Variants in PHACTR4 observed in about 807,000 individuals in gnomAD.
PHACTR4 encodes the protein phosphatase and actin regulator 4, also known as protein phosphatase 1, regulatory subunit 124.
PHACTR4 carries 51 observed loss-of-function variants against 72.7 expected under a neutral mutation model. The ratio of observed to expected loss-of-function variants is 0.70; its 90% CI spans 0.56 to 0.89. The LOEUF (loss-of-function observed/expected upper bound fraction) is 0.89, where lower values mean the gene tolerates loss of function less well. PHACTR4 is among the 40% of genes least tolerant of loss of function. The pLI is 0.00. For synonymous variants in PHACTR4, 255 were observed against 302.5 expected (o/e 0.84, Z 1.63); for missense variants, 731 against 861.8 (o/e 0.85, Z 1.90).
chr1:28,430,235 AG>A (rs1324996259), intron 2 of PHACTR4, among the ~76,000 whole-genome samples: 5 of 152,130 alleles, frequency 3.3e-5, no homozygotes, highest in African/African-American at 4.8e-5. Flanking sequence ...CATGTTAGCC[AG>A]GATGGTCTTG....
chr1:28,408,656 G>C (rs960278125), intron 2 of PHACTR4, among the ~76,000 whole-genome samples: 7 of 149,734 alleles, frequency 4.7e-5, no homozygotes, highest in African/African-American at 1.7e-4. Flanking sequence ...GTGTGTGTGT[G>C]TATATATATA....
intron 6 of PHACTR4, among the ~76,000 whole-genome samples, chr1:28,472,906 C>T (rs926598137): frequency 7.3e-5 from 11 of 150,798 alleles, no homozygotes; most frequent in Non-Finnish European, 1.5e-4. Context: ...TGTGAGCCAC[C>T]GTGCCAGCCA....
At chr1:28,477,162 T>G (rs1386197378) in intron 8 of PHACTR4, among the ~76,000 whole-genome samples, 1 of 150,454 alleles carries the variant, frequency 6.6e-6, no homozygotes, top group Admixed American at 6.7e-5. Flanking sequence ...CTCAACTCAC[T>G]GCAACCTCCA....
chr1:28,415,032 G>C (rs1655019477), intron 2 of PHACTR4, among the ~76,000 whole-genome samples: 1 of 152,052 alleles, frequency 6.6e-6, no homozygotes, highest in Non-Finnish European at 1.5e-5. Flanking sequence ...AGGCCGAGGT[G>C]GACGGTTTGC....
chr1:28,488,261 G>A (rs1660826321), intron 9 of PHACTR4, among the ~76,000 whole-genome samples: 1 of 151,968 alleles, frequency 6.6e-6, no homozygotes, highest in South Asian at 2.1e-4. Context: ...ACTTTGGGAG[G>A]CCGAGGCAGG....
intron 1 of PHACTR4, among the ~76,000 whole-genome samples, chr1:28,387,723 C>CA (rs1652671115): frequency 7.1e-6 from 1 of 140,698 alleles, no homozygotes; most frequent in African/African-American, 2.9e-5. Context: ...ACTGTCTCTA[C>CA]AAAAAACAAT....
chr1:28,489,491 T>C lies in PHACTR4; in HGVS notation c.1816+266T>C, dbSNP rs145925392. Among the ~76,000 whole-genome samples the C allele has an allele frequency of 5.6e-3, 849 of 152,246 alleles. 6 individuals are homozygous for C. The highest frequency in any genetic ancestry group is 0.02 in the African/African-American group (813 of 41,548). Reference sequence around the variant, plus strand: ...TGTATCCTGGAACTGCCTTGGGCATTTGGGAGGCTTTGACAGTATATGGGA... The same window carrying C: ...TGTATCCTGGAACTGCCTTGGGCATCTGGGAGGCTTTGACAGTATATGGGA... On this transcript the variant is annotated intron_variant, in intron 10 of 13. Transcript: ENST00000373839.
chr1:28,428,092 T>C (rs180985139), intron 2 of PHACTR4, among the ~76,000 whole-genome samples: 2 of 152,374 alleles, frequency 1.3e-5, no homozygotes, highest in African/African-American at 4.8e-5. Context: ...GGTTAAATCA[T>C]TGGTTGGAAG....
chr1:28,444,426 C>T (rs1213432250), intron 2 of PHACTR4, among the ~76,000 whole-genome samples: 4 of 150,564 alleles, frequency 2.7e-5, no homozygotes, highest in Non-Finnish European at 4.4e-5. Context: ...GACAGGGTTT[C>T]ACCATGTTGG....
At chr1:28,487,884 C>T (rs574598901) in intron 9 of PHACTR4, among the ~76,000 whole-genome samples, 33 of 151,650 alleles carry the variant, frequency 2.2e-4, no homozygotes, top group East Asian at 1.9e-4. Context: ...TACAGGAGCA[C>T]GCCACAACAT....
At chr1:28,381,861 T>A (rs1030723812) in intron 1 of PHACTR4, among the ~76,000 whole-genome samples, 1 of 152,114 alleles carries the variant, frequency 6.6e-6, no homozygotes, top group Non-Finnish European at 1.5e-5. Context: ...AAACCTCTGC[T>A]TCCCAGCTTC....
At chr1:28,387,219 C>T (rs1402578728) in intron 1 of PHACTR4, among the ~76,000 whole-genome samples, 1 of 147,464 alleles carries the variant, frequency 6.8e-6, no homozygotes, top group African/African-American at 2.5e-5. Context: ...TGAGATTGTG[C>T]CACTGCACTC....
In PHACTR4 at chr1:28,491,705, A is replaced by C. The variant is rs544527299; in HGVS notation, c.1934A>C (p.Asn645Thr). The change falls in exon 12 of 14, where the codon AAT becomes ACT. Residue 645 changes from asparagine to threonine, a missense_variant. This residue lies in a region of PHACTR4 where 110 missense variants were observed against 185.2 expected (regional missense o/e 0.59). Coordinates refer to ENST00000373839, the MANE Select transcript of PHACTR4 (RefSeq NM_001048183.3). The stretch of plus-strand genomic sequence containing the variant: ...CTTGCCAGGAAGATTCTGAGGTTTA[A>C]TGAATATGTAGAGGTAACAGATGCT... Reference protein sequence around the residue: ...ELLARKILRFNEYVEVTDAQD... With the variant: ...ELLARKILRFTEYVEVTDAQD... 1.9e-6 allele frequency: 3 copies of C among 1,614,082 alleles called. No homozygotes were observed. The African/African-American group carries it at 4.0e-5, about 22-fold the overall frequency.
chr1:28,463,520 T>G (rs933476290), intron 4 of PHACTR4, among the ~76,000 whole-genome samples: 2 of 152,192 alleles, frequency 1.3e-5, no homozygotes, highest in African/African-American at 2.4e-5. Flanking sequence ...AAGAGCAGCC[T>G]TTGTTGACTT....
chr1:28,398,097 C>G (rs1011315392), intron 1 of PHACTR4, among the ~76,000 whole-genome samples: 1 of 152,116 alleles, frequency 6.6e-6, no homozygotes, highest in Non-Finnish European at 1.5e-5. Flanking sequence ...CCACAGTTAC[C>G]AAGTTGAGGA....
intron 2 of PHACTR4, among the ~76,000 whole-genome samples, chr1:28,425,074 T>G (rs1655753246): frequency 6.6e-6 from 1 of 152,020 alleles, no homozygotes; most frequent in African/African-American, 2.4e-5. Flanking sequence ...ATTATAGGCA[T>G]GAGCTACCAC....
At chr1:28,429,117 A>G (rs1428962990) in intron 2 of PHACTR4, among the ~76,000 whole-genome samples, 1 of 152,200 alleles carries the variant, frequency 6.6e-6, no homozygotes, top group East Asian at 1.9e-4. Flanking sequence ...TAAATAAACC[A>G]GTATTATTTG....
rs558554638 is a variant in PHACTR4 at position 28,468,448 on chromosome 1, C to T, written c.823+1680C>T. Among the ~76,000 whole-genome samples the T allele has an allele frequency of 4.6e-5, 7 of 152,140 alleles. No individual in the cohort carries two copies. In the South Asian group the frequency reaches 8.3e-4, roughly 18 times the overall value. The stretch of plus-strand genomic sequence containing the variant: ...TCTACTAAAAATACAAAAAATTAGC[C>T]GGGCATGGTGGTAGGCACCTGTAAT... On this transcript the variant is annotated intron_variant, in intron 6 of 13. Transcript: ENST00000373839.
intron 2 of PHACTR4, among the ~76,000 whole-genome samples, chr1:28,435,295 C>T (rs937203071): frequency 1.3e-5 from 2 of 152,062 alleles, no homozygotes; most frequent in African/African-American, 2.4e-5. Flanking sequence ...GACAGAGTCT[C>T]GCCCTGTTGC....
Sources: allele counts gnomAD v4.1 joint callset (sites outside exome capture counted in the v4.1 genomes callset), GRCh38; gene constraint gnomAD v4.1.1; regional missense constraint gnomAD v4.1.1; transcripts MANE v1.5; gene names NCBI Gene and HGNC (gene_info 2026-07-23, HGNC 2026-07-21).